Variants in TSC2 observed in about 807,000 individuals in gnomAD.
TSC2 encodes the protein TSC complex subunit 2.
TSC2 carries 29 observed loss-of-function variants against 202.2 expected under a neutral mutation model. The observed-to-expected ratio is 0.14, with a 90% CI of 0.11 to 0.20. TSC2 has a LOEUF of 0.20. Ranked by LOEUF, TSC2 falls within the 10% of genes least tolerant of loss-of-function variation. TSC2 has a pLI of 1.00. For missense variants in TSC2, 2,429 were observed against 2,420.0 expected (o/e 1.00, Z -0.08); for synonymous variants, 1,349 against 1,044.0 (o/e 1.29, Z -5.63).
Position 2,079,032 on chromosome 16 carries a change from C to T in TSC2, c.2967C>T (p.Ser989=), listed in dbSNP as rs766417784. The change falls in exon 27 of 42, where the codon AGC becomes AGT. Residue 989 remains serine, a splice_region_variant and synonymous_variant. Transcript: ENST00000219476. The surrounding 1 kb of genome is among the most constrained non-coding windows in gnomAD (Gnocchi z 4.6). ...SISVSEHVVR[S]RIQTSLTSAS... ...CCCTGGTCACGGCCTCTCCCTCCAG[C>T]AGGATACAGACGTCCCTCACCAGTG... is the stretch of plus-strand genomic sequence containing the variant. 1.2e-6 allele frequency: 2 copies of T among 1,612,698 alleles called. No homozygotes were observed. The highest frequency in any genetic ancestry group is 3.3e-5 in the Admixed American group (2 of 60,028).
At chr16:2,077,520 C>CA in intron 25 of TSC2, 78 bp from the exon 26 acceptor site, 1 of 1,603,104 alleles carries the variant, frequency 6.2e-7, no homozygotes, top group African/African-American at 1.3e-5. Context: ...CTTTCCTCCT[C>CA]ACCCCTCCAC....
chr16:2,054,224 C>T, intron 4 of TSC2, 72 bp from the exon 5 acceptor site: 1 of 1,611,360 alleles, frequency 6.2e-7, no homozygotes, highest in Non-Finnish European at 8.5e-7. Flanking sequence ...TGCCCCTGCA[C>T]TTCAGGGACT....
intron 9 of TSC2, among the ~76,000 whole-genome samples, chr16:2,058,406 T>A (rs1039116474): frequency 2.0e-5 from 3 of 152,226 alleles, no homozygotes; most frequent in African/African-American, 7.2e-5. Context: ...TGGCTGTGAT[T>A]GGAGGAAGAG....
At chr16:2,055,823 A>G (rs911769955) in intron 6 of TSC2, 13 of 452,328 alleles carry the variant, frequency 2.9e-5, no homozygotes, top group Non-Finnish European at 4.9e-5. Flanking sequence ...ACCGGAAGGC[A>G]GAGGTTGCAG....
chr16:2,077,867 G>T (rs1332428446), intron 26 of TSC2, 141 bp downstream of exon 26: 3 of 1,434,952 alleles, frequency 2.1e-6, no homozygotes, highest in African/African-American at 1.4e-5. Context: ...CCGGTGACGA[G>T]GGGTGGAAAG....
In TSC2 at chr16:2,088,059, C is replaced by G. The variant is rs760781650; in HGVS notation, c.5080C>G (p.Leu1694Val). 1 of 1,612,680 alleles carries G rather than the reference C, an allele frequency of 6.2e-7. No homozygotes were observed. Among genetic ancestry groups the G allele is most frequent in the Admixed American group, 1.7e-5 (1 of 60,026 alleles). The change falls in exon 40 of 42, where the codon CTT becomes GTT. Residue 1694 changes from leucine to valine, a missense_variant. By Grantham distance (32) the Leu-to-Val change is conservative. Coordinates refer to ENST00000219476, the MANE Select transcript of TSC2 (RefSeq NM_000548.5). ...CCAAGTCTCCCCAGACATGGAGGGC[C>G]TTGTGGACACCAGCGTGGCCAAGAT... ...SLQCRKDMEG[L>V]VDTSVAKIVS... is the part of the protein sequence containing the mutation.
chr16:2,080,404 C>T (rs2089985156), intron 30 of TSC2, 27 bp downstream of exon 30: 2 of 1,606,270 alleles, frequency 1.2e-6, no homozygotes, highest in Non-Finnish European at 1.7e-6. Flanking sequence ...GCCTGAGCGC[C>T]ATCTTTCTGC....
intron 17 of TSC2, 97 bp from the exon 18 acceptor site, chr16:2,071,413 G>C (rs977647799): frequency 1.6e-4 from 197 of 1,270,288 alleles, no homozygotes; most frequent in Non-Finnish European, 2.1e-4. Context: ...TTTTCTGAGT[G>C]CCTGTGGTGC....
intron 23 of TSC2, 72 bp downstream of exon 23, chr16:2,075,964 C>T: frequency 1.2e-6 from 2 of 1,611,554 alleles, no homozygotes. Context: ...AAAGCCCCGG[C>T]AGCCTTTGTC....
chr16:2,082,825 T>C (rs1428974340), intron 32 of TSC2: 5 of 490,154 alleles, frequency 1.0e-5, no homozygotes, highest in Non-Finnish European at 1.9e-5. Flanking sequence ...GGGTGGCAGC[T>C]GTTTAGGGGG....
chr16:2,069,849 G>A (rs1028745669), intron 16 of TSC2, among the ~76,000 whole-genome samples: 31 of 151,394 alleles, frequency 2.0e-4, no homozygotes, highest in African/African-American at 5.3e-4. Context: ...TCCTAACTTC[G>A]TGATCCACCC....
In TSC2 at chr16:2,077,704, G is replaced by T. The variant is rs773864188; in HGVS notation, c.2944G>T (p.Val982Leu). Reference protein sequence around the residue: ...AEAFRCRSISVSEHVVRSRIQ... With the variant: ...AEAFRCRSISLSEHVVRSRIQ... ...GGCCTTCCGGTGCCGCAGCATCAGT[G>T]TGTCTGAACATGTGGTCCGCAGGTA... is the stretch of plus-strand genomic sequence containing the variant. Residue 982 changes from valine (V) to leucine (L), a missense_variant, in exon 26 of 42, where the codon GTG becomes TTG. Transcript: ENST00000219476. The T allele has an allele frequency of 1.9e-6, 3 of 1,612,982 alleles. No individual in the cohort carries two copies. Among genetic ancestry groups the T allele is most frequent in the Admixed American group, 3.3e-5 (2 of 60,030 alleles).
chr16:2,054,528 G>A, intron 5 of TSC2, 88 bp downstream of exon 5: 1 of 1,589,070 alleles, frequency 6.3e-7, no homozygotes, highest in Non-Finnish European at 8.6e-7. Flanking sequence ...GGGAGGGGCT[G>A]CCGTTCTCAG....
In TSC2 at chr16:2,048,054, G is replaced by C. The variant is rs1297371731; in HGVS notation, c.-41G>C. 3 of 1,424,580 alleles carry C rather than the reference G, an allele frequency of 2.1e-6. No homozygotes were observed. The African/African-American group carries it at 4.5e-5, about 21-fold the overall frequency. The allele number at this position is 1,424,580 out of a possible 1,614,324, so 88.2% of individuals were successfully genotyped here. A position where few individuals can be genotyped will look rare whatever the true frequency, so the allele number is the denominator to read the frequency against. ...CGTCGGGGCGGCCCGGAGCGCGGTGGCGCGGCGCGGGGTAAGTGGCGGTCC... is the reference window on the plus strand; with the variant it reads ...CGTCGGGGCGGCCCGGAGCGCGGTGCCGCGGCGCGGGGTAAGTGGCGGTCC... On this transcript the variant is annotated 5_prime_UTR_variant, in exon 1 of 42. Coordinates refer to ENST00000219476, the MANE Select transcript of TSC2 (RefSeq NM_000548.5).
At chr16:2,054,695 C>A in intron 5 of TSC2, 1 of 562,152 alleles carries the variant, frequency 1.8e-6, no homozygotes, top group Non-Finnish European at 3.2e-6. Flanking sequence ...CTCCGAACAC[C>A]TCTGCAACGG....
At chr16:2,069,765 C>T (rs1283154410) in intron 16 of TSC2, among the ~76,000 whole-genome samples, 1 of 152,164 alleles carries the variant, frequency 6.6e-6, no homozygotes, top group Non-Finnish European at 1.5e-5. Context: ...CAGGCGTGAG[C>T]CACTGTGCCC....
intron 17 of TSC2, 44 bp downstream of exon 17, chr16:2,070,622 C>T (rs771690539): frequency 3.1e-6 from 5 of 1,612,034 alleles, no homozygotes; most frequent in African/African-American, 1.3e-5. Context: ...GGGGCCCAGC[C>T]AGGTATCCCC....
intron 37 of TSC2, 24 bp downstream of exon 37, chr16:2,086,403 C>G (rs903756069): frequency 6.2e-7 from 1 of 1,608,216 alleles, no homozygotes. Flanking sequence ...CCTACCCGCT[C>G]CTGCTGCCCC....
chr16:2,050,778 G>C (rs1186304098), intron 3 of TSC2, among the ~76,000 whole-genome samples: 1 of 151,496 alleles, frequency 6.6e-6, no homozygotes, highest in Admixed American at 6.6e-5. Context: ...TAGTAGAGAC[G>C]GGGTTTCGCC....
Sources: gnomAD v4.1 joint callset for allele counts (sites outside exome capture counted in the v4.1 genomes callset) on GRCh38, gnomAD v4.1.1 for gene constraint, Gnocchi (gnomAD v3.1) non-coding constraint, MANE v1.5 for transcripts, NCBI Gene and HGNC (gene_info 2026-07-23, HGNC 2026-07-21) for gene names.